The following KAT6A variants were observed in gnomAD, a reference collection of about 807,000 sequenced individuals.
KAT6A encodes the protein lysine acetyltransferase 6A.
Under a neutral mutation model 198.4 loss-of-function variants are expected in KAT6A, and 9 were observed. The ratio of observed to expected loss-of-function variants is 0.05; its 90% CI spans 0.03 to 0.08. The LOEUF (loss-of-function observed/expected upper bound fraction) is 0.08. Ranked by LOEUF, KAT6A falls within the 10% of genes least tolerant of loss-of-function variation. The pLI, the probability that KAT6A is intolerant of heterozygous loss-of-function variation, is 1.00. For missense variants in KAT6A, 2,077 were observed against 2,509.9 expected (o/e 0.83, Z 3.69); for synonymous variants, 890 against 883.0 (o/e 1.01, Z -0.14).
chr8:41,989,762 G>T (rs73675195), intron 2 of KAT6A, among the ~76,000 whole-genome samples: 5,454 of 152,224 alleles, frequency 0.036, 178 homozygotes, highest in African/African-American at 0.091. Context: ...AAGGTATGAA[G>T]AAGAGAGCTA....
chr8:42,006,159 A>G lies in KAT6A; in HGVS notation c.601-18596T>C, dbSNP rs138102278. On this transcript the variant is annotated intron_variant, in intron 2 of 16. Transcript: ENST00000265713. Reference sequence around the variant, plus strand: ...AGGAGGAATAAAAACGAATTTTAAGAAACAGTTTAGGGACCCTAGAAGAGT... The same window carrying G: ...AGGAGGAATAAAAACGAATTTTAAGGAACAGTTTAGGGACCCTAGAAGAGT... 1.4e-4 allele frequency among the ~76,000 whole-genome samples: 21 copies of G among 152,372 alleles called. No homozygotes were observed. In the East Asian group the frequency reaches 4.0e-3, roughly 29 times the overall value.
chr8:41,969,267 T>C (rs893485371), intron 8 of KAT6A, among the ~76,000 whole-genome samples: 1 of 152,238 alleles, frequency 6.6e-6, no homozygotes, highest in Non-Finnish European at 1.5e-5. Context: ...ATCTAAGCTA[T>C]ATCTATGCTC....
At chr8:42,020,732 T>A (rs1407019912) in intron 2 of KAT6A, among the ~76,000 whole-genome samples, 1 of 152,210 alleles carries the variant, frequency 6.6e-6, no homozygotes, top group Non-Finnish European at 1.5e-5. Context: ...GGGAGCTTTT[T>A]AAAAATGCAA....
intron 9 of KAT6A, among the ~76,000 whole-genome samples, chr8:41,955,034 T>C (rs1411438190): frequency 6.7e-6 from 1 of 149,192 alleles, no homozygotes. Flanking sequence ...AAAAAAAAAA[T>C]AAAAAAGCAT....
At position 42,012,582 on chromosome 8, in the gene KAT6A, G is replaced by T. The variant is rs544114437; in HGVS notation, c.601-25019C>A. On this transcript the variant is annotated intron_variant, in intron 2 of 16. Transcript: ENST00000265713. Reference sequence around the variant, plus strand: ...GAGCCACCAGAAGCTCAGAATGCCTGCAGGGGCAATGTGTCCCTGCCAACA... The same window carrying T: ...GAGCCACCAGAAGCTCAGAATGCCTTCAGGGGCAATGTGTCCCTGCCAACA... 2.1e-3 allele frequency among the ~76,000 whole-genome samples: 314 copies of T among 152,268 alleles called. 4 individuals are homozygous for T. Among genetic ancestry groups the T allele is most frequent in the Non-Finnish European group, 3.8e-4 (26 of 68,010 alleles).
chr8:41,949,115 T>C lies in KAT6A; in HGVS notation c.1740+107A>G, dbSNP rs1020059465. On this transcript the variant is annotated intron_variant, in intron 10 of 16. Coordinates refer to ENST00000265713, the MANE Select transcript of KAT6A (RefSeq NM_006766.5). ...AAAATTATAATTAGTACTTTTTCCA[T>C]TTTAGTGATACATAAAATAGACAAT... 4.5e-6 allele frequency: 3 copies of C among 671,568 alleles called. No homozygotes were observed. The African/African-American group carries it at 5.7e-5, about 13-fold the overall frequency. 41.6% of individuals were successfully genotyped at this position (671,568 alleles called of 1,614,324 possible). A position where few individuals can be genotyped will look rare whatever the true frequency, so the allele number is the denominator to read the frequency against.
intron 15 of KAT6A, among the ~76,000 whole-genome samples, chr8:41,937,928 A>T (rs2150859167): frequency 6.6e-6 from 1 of 152,336 alleles, no homozygotes; most frequent in African/African-American, 2.4e-5. Flanking sequence ...AGAGCAAAAG[A>T]GAAATAAAAA....
chr8:41,981,105 G>C (rs1159878613), intron 4 of KAT6A, among the ~76,000 whole-genome samples, 178 bp from the exon 5 acceptor site: 1 of 152,190 alleles, frequency 6.6e-6, no homozygotes, highest in Non-Finnish European at 1.5e-5. Context: ...GGATCATGAG[G>C]TCAGGAGTTC....
intron 2 of KAT6A, among the ~76,000 whole-genome samples, chr8:41,989,339 T>C (rs796728425): frequency 1.6e-4 from 24 of 152,106 alleles, no homozygotes; most frequent in African/African-American, 5.8e-4. Context: ...TGAAACCCTG[T>C]CTCTATTAAA....
At chr8:42,034,950 C>T (rs1827296674) in intron 2 of KAT6A, among the ~76,000 whole-genome samples, 1 of 152,194 alleles carries the variant, frequency 6.6e-6, no homozygotes, top group Non-Finnish European at 1.5e-5. Flanking sequence ...GGATAGAAAG[C>T]CCAGATGGTC....
intron 9 of KAT6A, among the ~76,000 whole-genome samples, chr8:41,952,603 C>T (rs945487266): frequency 1.2e-4 from 19 of 152,156 alleles, no homozygotes; most frequent in African/African-American, 4.1e-4. Context: ...TCCCAAAAGA[C>T]GTTTTTCTTG....
intron 2 of KAT6A, among the ~76,000 whole-genome samples, chr8:42,044,083 T>A (rs1021430550): frequency 1.3e-5 from 2 of 150,368 alleles, no homozygotes; most frequent in Admixed American, 6.6e-5. Context: ...ATTTCCCTTA[T>A]AACATGGGTA....
rs1006771635 is a variant in KAT6A, at chr8:42,022,435, G to C, written c.600+25943C>G. On this transcript the variant is annotated intron_variant, in intron 2 of 16. Coordinates refer to ENST00000265713, the MANE Select transcript of KAT6A (RefSeq NM_006766.5). Reference sequence around the variant, plus strand: ...CTGTACATTTTTTTTGGAAAATCAGGGTTAAAACAGCCTAACAGTACAAAT... The same window carrying C: ...CTGTACATTTTTTTTGGAAAATCAGCGTTAAAACAGCCTAACAGTACAAAT... Among the ~76,000 whole-genome samples the C allele has an allele frequency of 3.9e-5, 6 of 151,978 alleles. No homozygotes were observed. In the South Asian group the frequency reaches 1.2e-3, roughly 32 times the overall value.
intron 2 of KAT6A, among the ~76,000 whole-genome samples, chr8:42,003,288 A>T (rs566389653): frequency 1.3e-5 from 2 of 152,122 alleles, no homozygotes; most frequent in Non-Finnish European, 2.9e-5. Flanking sequence ...AAAGCCCAAC[A>T]GCAGCAGGGC....
intron 3 of KAT6A, among the ~76,000 whole-genome samples, chr8:41,984,734 T>A (rs1368730492): frequency 2.0e-5 from 3 of 152,090 alleles, no homozygotes; most frequent in Non-Finnish European, 4.4e-5. Context: ...ATCCCAACAC[T>A]TTGGGAGGCC....
intron 2 of KAT6A, among the ~76,000 whole-genome samples, chr8:42,047,343 A>G (rs1357478838): frequency 6.6e-6 from 1 of 152,248 alleles, no homozygotes; most frequent in Non-Finnish European, 1.5e-5. Context: ...TTTCAACTAT[A>G]TACAATAACA....
intron 2 of KAT6A, among the ~76,000 whole-genome samples, chr8:42,016,031 G>A (rs1271817966): frequency 6.6e-6 from 1 of 152,148 alleles, no homozygotes; most frequent in Non-Finnish European, 1.5e-5. Flanking sequence ...AAGGTACCAG[G>A]ACATCAGAGC....
rs1827496915 is a variant in KAT6A, at chr8:42,038,766, A to G, written c.600+9612T>C. 2.0e-5 allele frequency among the ~76,000 whole-genome samples: 3 copies of G among 152,364 alleles called. No homozygotes were observed. In the South Asian group the frequency reaches 6.2e-4, roughly 32 times the overall value. Reference sequence around the variant, plus strand: ...TTCTAATAATCTATGTTTCGTAAGCATAATACAATTCAACCATAAAAGATA... The same window carrying G: ...TTCTAATAATCTATGTTTCGTAAGCGTAATACAATTCAACCATAAAAGATA... On this transcript the variant is annotated intron_variant, in intron 2 of 16. Transcript: ENST00000265713.
chr8:41,935,035 A>T (rs1821781357), intron 16 of KAT6A, among the ~76,000 whole-genome samples, 168 bp from the exon 17 acceptor site: 2 of 152,264 alleles, frequency 1.3e-5, no homozygotes, highest in Admixed American at 6.5e-5. Context: ...AAAACTAATT[A>T]GTGACATATT....
Sources: allele counts gnomAD v4.1 joint callset (sites outside exome capture counted in the v4.1 genomes callset), GRCh38; gene constraint gnomAD v4.1.1; transcripts MANE v1.5; gene names NCBI Gene and HGNC (gene_info 2026-07-23, HGNC 2026-07-21).